The following MTMR8 variants were observed in gnomAD, a reference collection of about 807,000 sequenced individuals.
MTMR8 encodes the protein phosphatidylinositol-3,5-bisphosphate 3-phosphatase MTMR8.
Under a neutral mutation model 39.3 loss-of-function variants are expected in MTMR8, and 65 were observed. That is an observed-to-expected ratio of 1.65 (90% confidence interval 1.35 to 2.03). The LOEUF is 2.03. Among genes scored for constraint, MTMR8 ranks in the 30% most tolerant of loss-of-function variants. MTMR8 has a pLI of 0.00. For synonymous variants in MTMR8, 245 were observed against 185.2 expected (o/e 1.32, Z -2.62); for missense variants, 777 against 538.9 (o/e 1.44, Z -4.37).
intron 1 of MTMR8, among the ~76,000 whole-genome samples, chrX:64,383,685 T>C (rs1368210219): frequency 9.1e-6 from 1 of 109,956 alleles, no homozygotes; most frequent in Non-Finnish European, 1.9e-5. Flanking sequence ...TCACACAATA[T>C]CATGAGAACA....
At chrX:64,276,963 G>A (rs772215468) in intron 12 of MTMR8, among the ~76,000 whole-genome samples, 20 of 112,001 alleles carry the variant, frequency 1.8e-4, no homozygotes, top group Non-Finnish European at 3.2e-4. Flanking sequence ...ATTTAGGATA[G>A]TTAACTCTTC....
chrX:64,363,695 G>A (rs1923860938), intron 1 of MTMR8, among the ~76,000 whole-genome samples: 1 of 111,839 alleles, frequency 8.9e-6, no homozygotes, highest in Admixed American at 9.5e-5. Context: ...AGTGATTTCT[G>A]CATTTCCAAC....
At chrX:64,282,557 A>G (rs1474086761) in intron 12 of MTMR8, among the ~76,000 whole-genome samples, 1 of 112,017 alleles carries the variant, frequency 8.9e-6, no homozygotes, top group Non-Finnish European at 1.9e-5. Context: ...CTCTTACTTT[A>G]CACCATAAAC....
intron 12 of MTMR8, among the ~76,000 whole-genome samples, chrX:64,304,588 ACT>A (rs1300895921): frequency 9.1e-6 from 1 of 110,010 alleles, no homozygotes. Flanking sequence ...AGATAATAGT[ACT>A]ACACTTTCCC....
At chrX:64,324,730 C>A (rs963701757) in intron 12 of MTMR8, among the ~76,000 whole-genome samples, 1 of 105,268 alleles carries the variant, frequency 9.5e-6, no homozygotes, top group Non-Finnish European at 1.9e-5. Context: ...TATAAAATGG[C>A]CCTACCCCTA....
intron 1 of MTMR8, among the ~76,000 whole-genome samples, chrX:64,385,543 G>C (rs1029999282): frequency 4.5e-5 from 5 of 111,685 alleles, no homozygotes; most frequent in Admixed American, 3.8e-4. Flanking sequence ...GGTTTAATTG[G>C]CTCACAGTTT....
At chrX:64,276,143 A>T (rs1345201776) in intron 12 of MTMR8, among the ~76,000 whole-genome samples, 2 of 110,384 alleles carry the variant, frequency 1.8e-5, no homozygotes, top group African/African-American at 3.3e-5. Flanking sequence ...CAGCTCCTGG[A>T]CTCATTAATT....
intron 12 of MTMR8, among the ~76,000 whole-genome samples, chrX:64,273,984 G>C (rs1192808623): frequency 9.0e-6 from 1 of 111,645 alleles, no homozygotes; most frequent in Non-Finnish European, 1.9e-5. Context: ...ACTGAAGGGA[G>C]AAACAGACAG....
At chrX:64,380,641 T>C (rs1569232888) in intron 1 of MTMR8, among the ~76,000 whole-genome samples, 1 of 112,437 alleles carries the variant, frequency 8.9e-6, no homozygotes, top group Admixed American at 9.4e-5. Flanking sequence ...ATGTGCACAA[T>C]GTGCAGGTTA....
At chrX:64,273,782 G>T (rs760592297) in intron 12 of MTMR8, among the ~76,000 whole-genome samples, 1 of 111,270 alleles carries the variant, frequency 9.0e-6, no homozygotes, top group Non-Finnish European at 1.9e-5. Context: ...CATGCAAATT[G>T]TAACTTAAAA....
intron 12 of MTMR8, chrX:64,305,605 C>A (rs929887399): frequency 1.9e-6 from 1 of 520,104 alleles, no homozygotes; most frequent in South Asian, 2.3e-5. Context: ...GCAGTCTGAA[C>A]CACCCGGCGG....
intron 1 of MTMR8, among the ~76,000 whole-genome samples, chrX:64,374,414 C>T (rs750533585): frequency 2.7e-5 from 3 of 112,134 alleles, no homozygotes; most frequent in South Asian, 7.5e-4. Flanking sequence ...GACAACCATC[C>T]ATTTAACAAA....
chrX:64,357,456 G>A (rs945670082), intron 2 of MTMR8, among the ~76,000 whole-genome samples: 38 of 111,223 alleles, frequency 3.4e-4, no homozygotes, highest in African/African-American at 1.2e-3. Flanking sequence ...GCAGGGTCTC[G>A]CTCTGTTGCC....
Position 64,331,605 on chromosome X carries a change from T to C in MTMR8, c.1304A>G (p.Gln435Arg), listed in dbSNP as rs1922940821. ...LEIHDHVFSC[Q>R]FGNFLGNCQK... ...GCAGTTACCAAGGAAGTTTCCAAACTGGCAGGAGAAAACATGGTCATGAAT... is the reference window on the plus strand; with the variant it reads ...GCAGTTACCAAGGAAGTTTCCAAACCGGCAGGAGAAAACATGGTCATGAAT... Residue 435 changes from glutamine to arginine, a missense_variant, in exon 11 of 14, where the codon CAG becomes CGG. By Grantham distance (43) the Gln-to-Arg change is conservative (BLOSUM62 1). Coordinates refer to ENST00000374852, the MANE Select transcript of MTMR8 (RefSeq NM_017677.4). 1 of 1,210,568 alleles carries C rather than the reference T, an allele frequency of 8.3e-7. No homozygotes were observed. Among genetic ancestry groups the C allele is most frequent in the East Asian group, 3.0e-5 (1 of 33,776 alleles).
chrX:64,298,669 G>C (rs1241588106), intron 12 of MTMR8, among the ~76,000 whole-genome samples: 1 of 94,256 alleles, frequency 1.1e-5, no homozygotes, highest in Non-Finnish European at 1.9e-5. Context: ...TTTTCAAAGG[G>C]AATGCTTCCA....
Position 64,270,650 on chromosome X carries a change from T to C in MTMR8, c.1608+297A>G, listed in dbSNP as rs748985499. Among the ~76,000 whole-genome samples the C allele has an allele frequency of 2.7e-5, 3 of 112,261 alleles. No homozygotes were observed. In the East Asian group the frequency reaches 8.5e-4, roughly 32 times the overall value. On this transcript the variant is annotated intron_variant, in intron 13 of 13. Transcript: ENST00000374852. Reference sequence around the variant, plus strand: ...ACTTATTCTCTTGATGGATAACAAATGCTATGTGATTTCCCTAGTCATTCC... The same window carrying C: ...ACTTATTCTCTTGATGGATAACAAACGCTATGTGATTTCCCTAGTCATTCC...
intron 1 of MTMR8, among the ~76,000 whole-genome samples, chrX:64,376,886 G>T (rs925314425): frequency 8.9e-6 from 1 of 112,092 alleles, no homozygotes; most frequent in African/African-American, 3.2e-5. Flanking sequence ...AAGGTTTTGT[G>T]GTCTGGGCCC....
chrX:64,390,234 A>G (rs1025818456), intron 1 of MTMR8, among the ~76,000 whole-genome samples: 1 of 112,347 alleles, frequency 8.9e-6, no homozygotes, highest in African/African-American at 3.2e-5. Flanking sequence ...AGTTTCCTGG[A>G]AGTAAAGGCA....
intron 12 of MTMR8, among the ~76,000 whole-genome samples, chrX:64,307,234 G>T (rs1922149798): frequency 8.9e-6 from 1 of 111,834 alleles, no homozygotes; most frequent in African/African-American, 3.2e-5. Context: ...TAGAGGAAAA[G>T]TTTTTAATTT....
Sources: allele counts gnomAD v4.1 joint callset (sites outside exome capture counted in the v4.1 genomes callset), GRCh38; gene constraint gnomAD v4.1.1; transcripts MANE v1.5; gene names NCBI Gene and HGNC (gene_info 2026-07-23, HGNC 2026-07-21).